RTN2: variants seen among roughly 807,000 people sequenced by gnomAD.
RTN2 encodes the protein reticulon-2.
In RTN2, 36 loss-of-function variants were observed where a neutral mutation model predicts 63.7. The observed-to-expected ratio is 0.56, with a 90% CI of 0.43 to 0.75. RTN2 has a LOEUF of 0.75. Among genes scored for constraint, RTN2 ranks in the 30% least tolerant of loss-of-function variants. The pLI, the probability that RTN2 is intolerant of heterozygous loss-of-function variation, is 0.00. For missense variants in RTN2, 673 were observed against 705.1 expected (o/e 0.95, Z 0.52); for synonymous variants, 312 against 313.0 (o/e 1.00, Z 0.03).
Position 45,488,440 on chromosome 19 carries a change from G to A in RTN2, c.1497+31C>T. On this transcript the variant is annotated intron_variant, in intron 9 of 10. Transcript: ENST00000245923. ...ATGGTCAGACCCCCATGTTTAGCTGGGGTGCTGACAACTGAGGGTGTCACA... is the reference window on the plus strand; with the variant it reads ...ATGGTCAGACCCCCATGTTTAGCTGAGGTGCTGACAACTGAGGGTGTCACA... The A allele has an allele frequency of 1.9e-6, 3 of 1,607,632 alleles. No homozygotes were observed. The South Asian group carries it at 3.3e-5, about 18-fold the overall frequency.
At position 45,485,679 on chromosome 19, in the gene RTN2, C is replaced by G. The variant is rs1447967034; in HGVS notation, c.*29G>C. 6.3e-7 allele frequency: 1 copy of G among 1,590,140 alleles called. No homozygotes were observed. The highest frequency in any genetic ancestry group is 1.1e-5 in the South Asian group (1 of 90,626). On this transcript the variant is annotated 3_prime_UTR_variant, in exon 11 of 11. Transcript: ENST00000245923. ...GCCAGAGGGCTGCGGGGGCTGGGGG[C>G]AGGCGTCCTGCGGGCAGAGACACCG... is the stretch of plus-strand genomic sequence containing the variant.
chr19:45,495,256 C>T lies in RTN2; in HGVS notation c.35-117G>A, dbSNP rs1968248559. The T allele has an allele frequency of 2.5e-6, 3 of 1,203,684 alleles. No individual in the cohort carries two copies. The Admixed American group carries it at 6.0e-5, about 24-fold the overall frequency. The allele number at this position is 1,203,684 out of a possible 1,614,324, so 74.6% of individuals were successfully genotyped here. Reference sequence around the variant, plus strand: ...CACGGGATTTTTAGAACATTCTGCACACAGACTCTAAAACCTAGCATCACT... The same window carrying T: ...CACGGGATTTTTAGAACATTCTGCATACAGACTCTAAAACCTAGCATCACT... On this transcript the variant is annotated intron_variant, in intron 1 of 10. Transcript: ENST00000245923.
At chr19:45,488,824 G>C in intron 7 of RTN2, 24 bp downstream of exon 7, 1 of 1,598,396 alleles carries the variant, frequency 6.3e-7, no homozygotes, top group Non-Finnish European at 8.5e-7. Flanking sequence ...GGGAACCCAG[G>C]AGGGGCTGAG....
Position 45,494,574 on chromosome 19 carries a change from CG to C in RTN2, c.510del (p.Asp170GlufsTer34). 1 of 1,614,104 alleles carries C rather than the reference CG, an allele frequency of 6.2e-7. No homozygotes were observed. The highest frequency in any genetic ancestry group is 8.5e-7 in the Non-Finnish European group (1 of 1,180,026). ...AATCTGTTGGGTTCTTGGGGTTCTTCGTCTTCCAGCGGGGTGGAGCTGCTGG... is the reference window on the plus strand; with the variant it reads ...AATCTGTTGGGTTCTTGGGGTTCTTCTCTTCCAGCGGGGTGGAGCTGCTGG... ...SSTSSSTPLE[D>X]EEPQEPNRLE... On this transcript the variant is annotated frameshift_variant, in exon 3 of 11. Transcript: ENST00000245923. LOFTEE classifies it high-confidence loss of function. The surrounding 1 kb of genome is among the most constrained non-coding windows in gnomAD (Gnocchi z 5.3).
intron 9 of RTN2, among the ~76,000 whole-genome samples, chr19:45,487,583 G>GTTTTTTTTTTTTTTTTTTTTTT (rs4031036): frequency 9.5e-6 from 1 of 105,752 alleles, no homozygotes; most frequent in Non-Finnish European, 1.9e-5. Flanking sequence ...TTATTTTTTG[G>GTTTTTTTTTTTTTTTTTTTTTT]TTTTTTTTTT....
At chr19:45,492,090 G>C (rs1308230535) in intron 5 of RTN2, among the ~76,000 whole-genome samples, 2 of 152,090 alleles carry the variant, frequency 1.3e-5, no homozygotes, top group Admixed American at 1.3e-4. Context: ...CAGGTGTAAA[G>C]TGATATCCCC....
chr19:45,486,190 C>T, intron 9 of RTN2, 77 bp from the exon 10 acceptor site: 1 of 1,289,248 alleles, frequency 7.8e-7, no homozygotes, highest in Admixed American at 1.8e-5. Flanking sequence ...GCTGCTTCCT[C>T]CCCAACCTCC....
chr19:45,492,289 C>T (rs553146481), intron 5 of RTN2, among the ~76,000 whole-genome samples: 24 of 152,166 alleles, frequency 1.6e-4, no homozygotes, highest in Non-Finnish European at 1.8e-4. Context: ...ACTTTAGGCT[C>T]ACTCCTGTAA....
At chr19:45,491,452 C>T (rs1004923541) in intron 5 of RTN2, among the ~76,000 whole-genome samples, 1 of 151,782 alleles carries the variant, frequency 6.6e-6, no homozygotes, top group African/African-American at 2.4e-5. Flanking sequence ...CCTCTGCCTC[C>T]CGAGTTCAAG....
At position 45,495,131 on chromosome 19, in the gene RTN2, G is replaced by A; in HGVS notation, c.43C>T (p.Pro15Ser). ...LPVFAHCKEA[P>S]STASSTPDST... ...TCAGGAGTTGAGGAGGCTGTAGACG[G>A]AGCTTCTTCTGCGAGAGGGAAAGAA... Residue 15 changes from proline to serine, a missense_variant, in exon 2 of 11, where the codon CCG (proline) becomes TCG (serine). Pro to Ser is a moderately conservative substitution (Grantham distance 74). Coordinates refer to ENST00000245923, the MANE Select transcript of RTN2 (RefSeq NM_005619.5). 1 of 1,614,082 alleles carries A rather than the reference G, an allele frequency of 6.2e-7. No individual in the cohort carries two copies. Among genetic ancestry groups the A allele is most frequent in the Non-Finnish European group, 8.5e-7 (1 of 1,180,018 alleles).
At chr19:45,493,090 G>C (rs1220620177) in intron 5 of RTN2, 70 bp downstream of exon 5, 2 of 1,389,160 alleles carry the variant, frequency 1.4e-6, no homozygotes, top group East Asian at 4.6e-5. Flanking sequence ...CGGATGTGCA[G>C]GAGATAAGGG....
At chr19:45,490,678 G>C (rs377420584) in intron 5 of RTN2, among the ~76,000 whole-genome samples, 27 of 152,016 alleles carry the variant, frequency 1.8e-4, no homozygotes, top group African/African-American at 6.5e-4. Flanking sequence ...CTGGGTTCAA[G>C]CAATTCTCCT....
Position 45,488,878 on chromosome 19 carries a change from G to A in RTN2, c.1350C>T (p.Phe450=), listed in dbSNP as rs1410358875. 1 of 1,604,408 alleles carries A rather than the reference G, an allele frequency of 6.2e-7. No homozygotes were observed. The highest frequency in any genetic ancestry group is 1.3e-5 in the African/African-American group (1 of 74,898). The change falls in exon 7 of 11, where the codon TTC becomes TTT. Residue 450 remains phenylalanine (F), a synonymous_variant. Coordinates refer to ENST00000245923, the MANE Select transcript of RTN2 (RefSeq NM_005619.5). ...VSAATQLRHF[F]LVEDLVDSLK... ...GGGAATCCACGAGGTCTTCTACCAGGAAGAAGTGCCGCAGCTGCGTGGCCG... is the reference window on the plus strand; with the variant it reads ...GGGAATCCACGAGGTCTTCTACCAGAAAGAAGTGCCGCAGCTGCGTGGCCG...
intron 5 of RTN2, among the ~76,000 whole-genome samples, chr19:45,490,014 T>C (rs1433696318): frequency 6.6e-6 from 1 of 152,024 alleles, no homozygotes; most frequent in Non-Finnish European, 1.5e-5. Flanking sequence ...AAAATTATTT[T>C]ATTTTATTTT....
Position 45,485,637 on chromosome 19 carries a change from G to T in RTN2, c.*71C>A. The T allele has an allele frequency of 1.6e-6, 2 of 1,288,898 alleles. No individual in the cohort carries two copies. Among genetic ancestry groups the T allele is most frequent in the Non-Finnish European group, 2.2e-6 (2 of 895,224 alleles). The allele number at this position is 1,288,898 out of a possible 1,614,324, so 79.8% of individuals were successfully genotyped here. A position where few individuals can be genotyped will look rare whatever the true frequency, so the allele number is the denominator to read the frequency against. ...CCGAGGAGGGGGGTGGGTGGGAACG[G>T]ACAAGAGATGGAGGGGGCCAGAGGG... On this transcript the variant is annotated 3_prime_UTR_variant, in exon 11 of 11. Coordinates refer to ENST00000245923, the MANE Select transcript of RTN2 (RefSeq NM_005619.5).
At chr19:45,493,072 A>G in intron 5 of RTN2, 88 bp downstream of exon 5, 1 of 1,281,736 alleles carries the variant, frequency 7.8e-7, no homozygotes, top group Non-Finnish European at 1.1e-6. Flanking sequence ...TCAGTAATAA[A>G]AATGCTCCGG....
Position 45,494,408 on chromosome 19 carries a change from C to A in RTN2, c.572G>T (p.Arg191Leu). 18 of 1,612,742 alleles carry A rather than the reference C, an allele frequency of 1.1e-5. No individual in the cohort carries two copies. Among genetic ancestry groups the A allele is most frequent in the Non-Finnish European group, 1.5e-5 (18 of 1,178,972 alleles). The change falls in exon 4 of 11, where the codon CGA becomes CTA. Residue 191 changes from arginine (R) to leucine (L), a missense_variant. Coordinates refer to ENST00000245923, the MANE Select transcript of RTN2 (RefSeq NM_005619.5). The surrounding 1 kb of genome is among the most constrained non-coding windows in gnomAD (Gnocchi z 5.3). ...TGEAGEELDLRLRLAQPSSPE... is the reference protein window; with the variant it reads ...TGEAGEELDLLLRLAQPSSPE... Reference sequence around the variant, plus strand: ...CGATGAGGGCTGAGCAAGTCGGAGTCGTAGGTCCAGTTCTGATACGGTAGA... The same window carrying A: ...CGATGAGGGCTGAGCAAGTCGGAGTAGTAGGTCCAGTTCTGATACGGTAGA...
At chr19:45,489,013 A>C (rs769545979) in intron 6 of RTN2, 27 bp from the exon 7 acceptor site, 3 of 1,606,230 alleles carry the variant, frequency 1.9e-6, no homozygotes, top group Non-Finnish European at 2.5e-6. Flanking sequence ...GTGTGGGGCG[A>C]CTCAGTGGGT....
Position 45,494,033 on chromosome 19 carries a change from A to G in RTN2, c.814+133T>C. 2 of 1,362,034 alleles carry G rather than the reference A, an allele frequency of 1.5e-6. No individual in the cohort carries two copies. The highest frequency in any genetic ancestry group is 2.7e-5 in the South Asian group (2 of 72,746). The allele number at this position is 1,362,034 out of a possible 1,614,324, so 84.4% of individuals were successfully genotyped here. Reference sequence around the variant, plus strand: ...AGCGGAGTTTATCACGTCTAGCCAGATGTGATATCACGTCTATCTCTTCCC... The same window carrying G: ...AGCGGAGTTTATCACGTCTAGCCAGGTGTGATATCACGTCTATCTCTTCCC... On this transcript the variant is annotated intron_variant, in intron 4 of 10. Transcript: ENST00000245923. The surrounding 1 kb of genome is among the most constrained non-coding windows in gnomAD (Gnocchi z 5.3).
Sources: allele counts gnomAD v4.1 joint callset (sites outside exome capture counted in the v4.1 genomes callset), GRCh38; gene constraint gnomAD v4.1.1; non-coding constraint Gnocchi (gnomAD v3.1); transcripts MANE v1.5; gene names NCBI Gene and HGNC (gene_info 2026-07-23, HGNC 2026-07-21).